The following KIZ variants were observed in gnomAD, a reference collection of about 807,000 sequenced individuals.
The protein encoded by KIZ is centrosomal protein kizuna.
Under a neutral mutation model 79.6 loss-of-function variants are expected in KIZ, and 68 were observed. The ratio of observed to expected loss-of-function variants is 0.85; its 90% CI spans 0.70 to 1.05. KIZ has a LOEUF of 1.05. Among genes scored for constraint, KIZ ranks in the 50% least tolerant of loss-of-function variants. KIZ has a pLI of 0.00. For synonymous variants in KIZ, 280 were observed against 281.8 expected, an observed-to-expected ratio of 0.99 and a Z score of 0.06; for missense variants, 797 against 800.4, an observed-to-expected ratio of 1.00 and a Z score of 0.05.
At chr20:21,177,158 A>T (rs2034470219) in intron 6 of KIZ, among the ~76,000 whole-genome samples, 1 of 151,672 alleles carries the variant, frequency 6.6e-6, no homozygotes, top group Admixed American at 6.6e-5. Context: ...TCTAGTTTTA[A>T]TTTTTTGAGG....
At chr20:21,146,950 A>G (rs1015636817) in intron 4 of KIZ, among the ~76,000 whole-genome samples, 2 of 152,200 alleles carry the variant, frequency 1.3e-5, no homozygotes, top group Admixed American at 6.5e-5. Context: ...ATGCCATTCG[A>G]TGTAGGCCAA....
chr20:21,158,569 T>TA (rs2033496301), intron 4 of KIZ: 1 of 152,188 alleles, frequency 6.6e-6, no homozygotes, highest in African/African-American at 2.4e-5. Flanking sequence ...TTGGATATAA[T>TA]AAAAACTATA....
In KIZ at chr20:21,246,614, A is replaced by C. The variant is rs753517783; in HGVS notation, c.*38A>C. 3.3e-6 allele frequency: 4 copies of C among 1,194,770 alleles called. No individual in the cohort carries two copies. In the Admixed American group the frequency reaches 8.0e-5, roughly 24 times the overall value. 74.0% of individuals were successfully genotyped at this position (1,194,770 alleles called of 1,614,324 possible). A position where few individuals can be genotyped will look rare whatever the true frequency, so the allele number is the denominator to read the frequency against. On this transcript the variant is annotated 3_prime_UTR_variant, in exon 13 of 13. Coordinates refer to ENST00000619189, the MANE Select transcript of KIZ (RefSeq NM_018474.6). Reference sequence around the variant, plus strand: ...TTGGTTTCAAATAAAGTCTTTAAACAAACTAAAATCCTGTGTTAATATGTG... The same window carrying C: ...TTGGTTTCAAATAAAGTCTTTAAACCAACTAAAATCCTGTGTTAATATGTG...
chr20:21,242,193 C>G (rs2037241058), intron 11 of KIZ, among the ~76,000 whole-genome samples: 2 of 152,170 alleles, frequency 1.3e-5, no homozygotes, highest in African/African-American at 4.8e-5. Context: ...GGATGTGAAA[C>G]AGCAACTTGA....
intron 6 of KIZ, among the ~76,000 whole-genome samples, chr20:21,204,613 G>C (rs1367516354): frequency 1.3e-5 from 2 of 151,698 alleles, no homozygotes; most frequent in African/African-American, 2.4e-5. Context: ...CCCACCTTCA[G>C]TTCTTTTGAT....
intron 11 of KIZ, among the ~76,000 whole-genome samples, chr20:21,239,894 G>T (rs1481160712): frequency 6.6e-6 from 1 of 152,200 alleles, no homozygotes; most frequent in Non-Finnish European, 1.5e-5. Flanking sequence ...TTTATCAGTA[G>T]CAGGGGAATT....
At chr20:21,224,835 T>C (rs927522246) in intron 9 of KIZ, among the ~76,000 whole-genome samples, 1 of 152,238 alleles carries the variant, frequency 6.6e-6, no homozygotes, top group Non-Finnish European at 1.5e-5. Context: ...TTAGCAGGTG[T>C]ACATTTGCAT....
intron 6 of KIZ, among the ~76,000 whole-genome samples, chr20:21,202,668 C>T (rs1351249339): frequency 6.6e-6 from 1 of 152,122 alleles, no homozygotes; most frequent in Non-Finnish European, 1.5e-5. Context: ...TGAAATTTTT[C>T]AAACATACAG....
rs1555889304 is a variant in KIZ at position 21,238,352 on chromosome 20, A to AGT, written c.1880+5536_1880+5537dup. Among the ~76,000 whole-genome samples the AGT allele has an allele frequency of 4.4e-3, 656 of 149,238 alleles. 4 individuals carry two copies. The highest frequency in any genetic ancestry group is 0.012 in the African/African-American group (482 of 40,622). The stretch of plus-strand genomic sequence containing the variant: ...AAGGGTGTGAGAGAGAGAGAGAGAG[A>AGT]GTGTGTGTGTGTGTGAGAGGGTGTG... On this transcript the variant is annotated intron_variant, in intron 11 of 12. Coordinates refer to ENST00000619189, the MANE Select transcript of KIZ (RefSeq NM_018474.6).
chr20:21,213,249 G>C (rs2036143361), intron 7 of KIZ, among the ~76,000 whole-genome samples: 1 of 152,152 alleles, frequency 6.6e-6, no homozygotes, highest in Non-Finnish European at 1.5e-5. Context: ...CAGACCTTCT[G>C]TCCGGGCCTT....
chr20:21,216,294 A>G (rs1448232136), intron 9 of KIZ, among the ~76,000 whole-genome samples: 1 of 152,188 alleles, frequency 6.6e-6, no homozygotes, highest in Non-Finnish European at 1.5e-5. Context: ...TATTTTGTGA[A>G]GTGGTGTACT....
intron 6 of KIZ, among the ~76,000 whole-genome samples, chr20:21,187,341 T>C (rs796568636): frequency 1.2e-4 from 18 of 152,216 alleles, no homozygotes; most frequent in African/African-American, 4.1e-4. Context: ...CCGAGCAAAG[T>C]CAGAACCCAG....
At chr20:21,204,725 CT>C (rs2035744775) in intron 6 of KIZ, among the ~76,000 whole-genome samples, 1 of 152,138 alleles carries the variant, frequency 6.6e-6, no homozygotes, top group Non-Finnish European at 1.5e-5. Flanking sequence ...CTTTAATGAA[CT>C]TTGGTTCCTT....
chr20:21,197,985 T>C (rs912815449), intron 6 of KIZ: 9 of 152,258 alleles, frequency 5.9e-5, no homozygotes, highest in Non-Finnish European at 1.2e-4. Context: ...GCTGTCGTGG[T>C]GGGATGGCCA....
chr20:21,192,474 T>G (rs1166350197), intron 6 of KIZ, among the ~76,000 whole-genome samples: 1 of 152,090 alleles, frequency 6.6e-6, no homozygotes, highest in African/African-American at 2.4e-5. Context: ...TACAATTTCC[T>G]TCCCTAAAAT....
At chr20:21,232,944 T>C in intron 11 of KIZ, 114 bp downstream of exon 11, 1 of 644,432 alleles carries the variant, frequency 1.6e-6, no homozygotes, top group Non-Finnish European at 2.8e-6. Flanking sequence ...GGGTTATGGT[T>C]TGGGTTTTTG....
chr20:21,130,865 T>C lies in KIZ; in HGVS notation c.90-1232T>C, dbSNP rs79507057. Among the ~76,000 whole-genome samples, 1,058 of 152,326 alleles carry C rather than the reference T, an allele frequency of 6.9e-3. 12 individuals are homozygous for C. The highest frequency in any genetic ancestry group is 0.025 in the African/African-American group (1,020 of 41,574). The stretch of plus-strand genomic sequence containing the variant: ...AAGGAAAAGAACTATTCTGAAGATA[T>C]ATAGAAACTGATAATTAAGAGCTCA... On this transcript the variant is annotated intron_variant, in intron 1 of 12. Coordinates refer to ENST00000619189, the MANE Select transcript of KIZ (RefSeq NM_018474.6).
At chr20:21,244,069 C>T (rs1010790326) in intron 11 of KIZ, among the ~76,000 whole-genome samples, 176 bp from the exon 12 acceptor site, 6 of 152,154 alleles carry the variant, frequency 3.9e-5, no homozygotes, top group South Asian at 2.1e-4. Flanking sequence ...GCGACCCTCC[C>T]GACAAGGCCA....
intron 11 of KIZ, among the ~76,000 whole-genome samples, chr20:21,233,817 A>C (rs1051478101): frequency 2.8e-4 from 43 of 152,340 alleles, no homozygotes; most frequent in African/African-American, 1.0e-3. Context: ...TTGAATTTCT[A>C]AAATTATAAG....
Sources: allele counts gnomAD v4.1 joint callset (sites outside exome capture counted in the v4.1 genomes callset), GRCh38; gene constraint gnomAD v4.1.1; transcripts MANE v1.5; gene names NCBI Gene and HGNC (gene_info 2026-07-23, HGNC 2026-07-21).